PDE4D: variants seen among roughly 807,000 people sequenced by gnomAD.
PDE4D encodes the protein phosphodiesterase 4D, also known as 3',5'-cyclic-AMP phosphodiesterase 4D.
Under a neutral mutation model 87.4 loss-of-function variants are expected in PDE4D, and 24 were observed. The observed-to-expected ratio is 0.27, with a 90% CI of 0.20 to 0.39. The LOEUF is 0.39. Ranked by LOEUF, PDE4D falls within the 10% of genes least tolerant of loss-of-function variation. PDE4D has a pLI of 1.00. For missense variants in PDE4D, 714 were observed against 1,041.0 expected (o/e 0.69, Z 4.32); for synonymous variants, 384 against 383.2 (o/e 1.00, Z -0.02).
At chr5:60,074,216 T>C (rs182109895) in intron 2 of PDE4D, among the ~76,000 whole-genome samples, 6 of 152,294 alleles carry the variant, frequency 3.9e-5, no homozygotes, top group African/African-American at 1.4e-4. Context: ...GAGATTCTGG[T>C]ATATTTTATC....
chr5:59,055,486 CTA>C (rs1762199526), intron 5 of PDE4D, among the ~76,000 whole-genome samples: 1 of 152,150 alleles, frequency 6.6e-6, no homozygotes, highest in African/African-American at 2.4e-5. Flanking sequence ...ACCTCCATCT[CTA>C]TCTTTTGTCA....
chr5:59,208,071 G>A (rs1321887818), intron 2 of PDE4D, among the ~76,000 whole-genome samples: 1 of 152,012 alleles, frequency 6.6e-6, no homozygotes, highest in Admixed American at 6.6e-5. Flanking sequence ...GGAGGCTGAG[G>A]CAGGAGAATC....
intron 2 of PDE4D, among the ~76,000 whole-genome samples, chr5:60,080,271 A>G (rs376529624): frequency 6.6e-6 from 1 of 152,164 alleles, no homozygotes; most frequent in African/African-American, 2.4e-5. Flanking sequence ...TCAGTTAAGA[A>G]ATTTTGGGGC....
At chr5:59,784,529 T>C (rs1296340613) in intron 1 of PDE4D, among the ~76,000 whole-genome samples, 3 of 152,222 alleles carry the variant, frequency 2.0e-5, no homozygotes, top group Non-Finnish European at 4.4e-5. Context: ...TTGTATTTGT[T>C]AAGCTAATTT....
At chr5:59,316,925 G>A (rs79743078) in intron 1 of PDE4D, among the ~76,000 whole-genome samples, 168 of 152,292 alleles carry the variant, frequency 1.1e-3, no homozygotes, top group African/African-American at 3.6e-3. Context: ...TCCAAAACCT[G>A]CCAGGTTCAA....
intron 2 of PDE4D, among the ~76,000 whole-genome samples, chr5:60,001,359 GAAAGAAA>G (rs904553584): frequency 6.6e-6 from 1 of 152,068 alleles, no homozygotes; most frequent in Admixed American, 6.6e-5. Context: ...TCAAAACATT[GAAAGAAA>G]AAAGCCTGTC....
chr5:59,188,650 A>G (rs1318317118), intron 3 of PDE4D, among the ~76,000 whole-genome samples: 1 of 152,200 alleles, frequency 6.6e-6, no homozygotes, highest in Non-Finnish European at 1.5e-5. Context: ...CATGAGGTTG[A>G]GGTGCCACTG....
chr5:59,246,745 T>C (rs1561802932), intron 1 of PDE4D, among the ~76,000 whole-genome samples: 1 of 152,178 alleles, frequency 6.6e-6, no homozygotes, highest in East Asian at 1.9e-4. Context: ...AACATACTAC[T>C]GAAAAGTAAA....
At chr5:59,545,359 A>C (rs949305407) in intron 1 of PDE4D, among the ~76,000 whole-genome samples, 1 of 152,110 alleles carries the variant, frequency 6.6e-6, no homozygotes, top group South Asian at 2.1e-4. Flanking sequence ...TAAAAAAAAA[A>C]ATGTTGCAGT....
intron 3 of PDE4D, among the ~76,000 whole-genome samples, chr5:59,955,123 A>G (rs773152075): frequency 8.5e-5 from 13 of 152,204 alleles, no homozygotes; most frequent in Admixed American, 2.6e-4. Flanking sequence ...AAGTAAAAGA[A>G]GAGGTTATAT....
At chr5:59,010,219 C>T (rs1435646788) in intron 6 of PDE4D, among the ~76,000 whole-genome samples, 1 of 151,956 alleles carries the variant, frequency 6.6e-6, no homozygotes, top group African/African-American at 2.4e-5. Context: ...CCCAGCTACT[C>T]GGGAGGCTGA....
chr5:60,027,656 C>T lies in PDE4D; in HGVS notation c.43-38939G>A, dbSNP rs2152856986. Among the ~76,000 whole-genome samples the T allele has an allele frequency of 2.6e-5, 4 of 152,326 alleles. No homozygotes were observed. In the South Asian group the frequency reaches 8.3e-4, roughly 32 times the overall value. On this transcript the variant is annotated intron_variant, in intron 2 of 16. Transcript: ENST00000502484. ...CATCACAGGCTTTGCCAGTTTCAGT[C>T]ACAGGCATATCCCCAGGGCCTGGAA...
intron 2 of PDE4D, among the ~76,000 whole-genome samples, chr5:60,009,412 C>T (rs974747345): frequency 6.6e-6 from 1 of 151,800 alleles, no homozygotes; most frequent in Non-Finnish European, 1.5e-5. Flanking sequence ...AATTATTTAT[C>T]GAGTGCCTAT....
At chr5:60,062,319 C>T (rs1321831845) in intron 2 of PDE4D, among the ~76,000 whole-genome samples, 2 of 152,130 alleles carry the variant, frequency 1.3e-5, no homozygotes, top group African/African-American at 4.8e-5. Context: ...AAAAGCACAA[C>T]ATCACTGATC....
intron 1 of PDE4D, among the ~76,000 whole-genome samples, chr5:59,659,197 G>C (rs1046707405): frequency 2.6e-5 from 4 of 152,210 alleles, no homozygotes. Context: ...AATTTGCTTA[G>C]AATGAATCAC....
intron 2 of PDE4D, among the ~76,000 whole-genome samples, chr5:60,165,650 C>A (rs972152063): frequency 1.3e-5 from 2 of 150,624 alleles, no homozygotes; most frequent in African/African-American, 4.9e-5. Flanking sequence ...CATGAAATAT[C>A]TTTCTATTTA....
At chr5:59,787,945 A>G (rs1021361794) in intron 1 of PDE4D, among the ~76,000 whole-genome samples, 5 of 152,250 alleles carry the variant, frequency 3.3e-5, no homozygotes, top group Non-Finnish European at 5.9e-5. Flanking sequence ...GAATGATGCT[A>G]ATATATTGAG....
At chr5:59,410,410 C>G (rs764685818) in intron 1 of PDE4D, among the ~76,000 whole-genome samples, 2 of 152,088 alleles carry the variant, frequency 1.3e-5, no homozygotes, top group African/African-American at 4.8e-5. Flanking sequence ...CCATGACTGG[C>G]TAATTTTTAT....
intron 1 of PDE4D, among the ~76,000 whole-genome samples, chr5:60,370,897 GT>G (rs1390206434): frequency 6.6e-6 from 1 of 152,126 alleles, no homozygotes; most frequent in Non-Finnish European, 1.5e-5. Flanking sequence ...CACAAAATGA[GT>G]GAATTGTCCC....
Sources: allele counts gnomAD v4.1 joint callset (sites outside exome capture counted in the v4.1 genomes callset), GRCh38; gene constraint gnomAD v4.1.1; transcripts MANE v1.5; gene names NCBI Gene and HGNC (gene_info 2026-07-23, HGNC 2026-07-21).